The following UBR4 variants were observed in gnomAD, a reference collection of about 807,000 sequenced individuals.
UBR4 encodes ubiquitin protein ligase E3 component n-recognin 4, also known as E3 ubiquitin-protein ligase UBR4.
UBR4 carries 124 observed loss-of-function variants against 575.6 expected under a neutral mutation model. The ratio of observed to expected loss-of-function variants is 0.22; its 90% CI spans 0.19 to 0.25. The LOEUF is 0.25. Ranked by LOEUF, UBR4 falls within the 10% of genes least tolerant of loss-of-function variation. The pLI, the probability that UBR4 is intolerant of heterozygous loss-of-function variation, is 1.00. For synonymous variants in UBR4, 2,455 were observed against 2,473.7 expected (o/e 0.99, Z 0.22); for missense variants, 4,818 against 6,478.8 (o/e 0.74, Z 8.80).
chr1:19,153,872 A>G lies in UBR4; in HGVS notation c.6526T>C (p.Leu2176=), dbSNP rs2086070005. The change falls in exon 45 of 106, where the codon TTG becomes CTG. Residue 2176 remains leucine, a synonymous_variant. Transcript: ENST00000375254. The surrounding 1 kb of genome is among the most constrained non-coding windows in gnomAD (Gnocchi z 4.1). ...QWSEVMNHPG[L]VCCVQQTTGV... Reference sequence around the variant, plus strand: ...GTAGTTTGCTGGACACAGCACACCAAGCCAGGGTGGTTCATCACCTCAGAC... The same window carrying G: ...GTAGTTTGCTGGACACAGCACACCAGGCCAGGGTGGTTCATCACCTCAGAC... 6.2e-7 allele frequency: 1 copy of G among 1,614,074 alleles called. No individual in the cohort carries two copies.
Position 19,104,269 on chromosome 1 carries a change from G to A in UBR4, c.12728-12C>T. The A allele has an allele frequency of 6.2e-7, 1 of 1,613,246 alleles. No homozygotes were observed. The highest frequency in any genetic ancestry group is 1.1e-5 in the South Asian group (1 of 91,012). The stretch of plus-strand genomic sequence containing the variant: ...GGAGGAGAGAAGGCCTGTGGAGACA[G>A]GAAAATGTTGCTGTGAGAGCTCTGG... On this transcript the variant is annotated splice_polypyrimidine_tract_variant and intron_variant, in intron 86 of 105. Transcript: ENST00000375254.
intron 60 of UBR4, among the ~76,000 whole-genome samples, chr1:19,134,271 T>A (rs1458508899): frequency 7.2e-6 from 1 of 138,554 alleles, no homozygotes; most frequent in African/African-American, 2.7e-5. Context: ...AATAAATAAA[T>A]AAAAATAAAT....
In UBR4 at chr1:19,115,570, G is replaced by A. The variant is rs1240487123; in HGVS notation, c.10891C>T (p.Leu3631=). The stretch of plus-strand genomic sequence containing the variant: ...TTGGAGGCCACAATGGGCAACGGCA[G>A]GTCAATCTTCACCTCTGTCTGTCCA... ...TPGQTEVKID[L]PLPIVASNLM... is the part of the protein sequence containing the mutation. The change falls in exon 74 of 106, where the codon CTG becomes TTG. Residue 3631 remains leucine (L), a synonymous_variant. Transcript: ENST00000375254. 2 of 1,614,188 alleles carry A rather than the reference G, an allele frequency of 1.2e-6. No individual in the cohort carries two copies. The highest frequency in any genetic ancestry group is 1.1e-5 in the South Asian group (1 of 91,076).
chr1:19,086,905 C>A, intron 99 of UBR4, 84 bp from the exon 100 acceptor site: 1 of 1,553,252 alleles, frequency 6.4e-7, no homozygotes, highest in East Asian at 2.3e-5. Flanking sequence ...AACTGCCGCC[C>A]TTCTTGGGCA....
At chr1:19,119,792 C>A in intron 69 of UBR4, 91 bp from the exon 70 acceptor site, 1 of 1,488,690 alleles carries the variant, frequency 6.7e-7, no homozygotes, top group Non-Finnish European at 9.1e-7. Context: ...TCAATTTCCC[C>A]ACAATTATGG....
chr1:19,087,733 A>C, intron 99 of UBR4, 83 bp downstream of exon 99: 1 of 1,125,598 alleles, frequency 8.9e-7, no homozygotes, highest in Non-Finnish European at 1.3e-6. Context: ...CTAAGAACAA[A>C]ATGGCCTGGA....
chr1:19,184,970 T>C, intron 15 of UBR4, 129 bp downstream of exon 15: 1 of 1,144,456 alleles, frequency 8.7e-7, no homozygotes, highest in Admixed American at 2.1e-5. Context: ...GACATATAAG[T>C]CCTAAGCAAA....
chr1:19,106,124 C>T (rs192378182), intron 83 of UBR4, among the ~76,000 whole-genome samples: 2 of 152,314 alleles, frequency 1.3e-5, no homozygotes, highest in South Asian at 2.1e-4. Flanking sequence ...TCTTCCTTAG[C>T]AAAGATGCTG....
At chr1:19,208,572 A>C (rs2093137654) in intron 1 of UBR4, among the ~76,000 whole-genome samples, 1 of 151,958 alleles carries the variant, frequency 6.6e-6, no homozygotes, top group Non-Finnish European at 1.5e-5. Flanking sequence ...AGATCTTATT[A>C]ATGTCTACAA....
At chr1:19,086,299 G>T in intron 100 of UBR4, 29 bp from the exon 101 acceptor site, 2 of 1,442,892 alleles carry the variant, frequency 1.4e-6, no homozygotes, top group South Asian at 2.3e-5. Context: ...AGGGACAAGC[G>T]ACTGCTGGCA....
chr1:19,187,094 AT>A (rs1571622071), intron 13 of UBR4, 69 bp downstream of exon 13: 3 of 884,622 alleles, frequency 3.4e-6, no homozygotes, highest in South Asian at 4.1e-5. Flanking sequence ...ATATATATAT[AT>A]ACATATATAT....
rs1368750305 is a variant in UBR4 at position 19,097,179 on chromosome 1, G to A, written c.13390+14C>T. ...TCCCAAGCCTCAGATCCAATGTGCA[G>A]TGCCATGATCTACCTGTAGTAGAGT... is the stretch of plus-strand genomic sequence containing the variant. On this transcript the variant is annotated intron_variant, in intron 91 of 105. Coordinates refer to ENST00000375254, the MANE Select transcript of UBR4 (RefSeq NM_020765.3). The A allele has an allele frequency of 1.2e-6, 2 of 1,606,306 alleles. No homozygotes were observed. Among genetic ancestry groups the A allele is most frequent in the Admixed American group, 1.7e-5 (1 of 57,998 alleles).
intron 48 of UBR4, chr1:19,151,022 T>C (rs2085613968): frequency 1.7e-6 from 1 of 572,914 alleles, no homozygotes. Flanking sequence ...CTCAGAAGAG[T>C]CCCTAACCAT....
intron 11 of UBR4, among the ~76,000 whole-genome samples, chr1:19,190,443 T>C (rs2091981223): frequency 6.6e-6 from 1 of 151,828 alleles, no homozygotes; most frequent in African/African-American, 2.4e-5. Context: ...GAGGGTAATT[T>C]GTTAATGCAG....
intron 104 of UBR4, 53 bp downstream of exon 104, chr1:19,077,923 C>T: frequency 6.2e-7 from 1 of 1,612,014 alleles, no homozygotes; most frequent in Non-Finnish European, 8.5e-7. Flanking sequence ...GACAGGAGTG[C>T]AGACATTTTA....
chr1:19,078,207 A>G, intron 103 of UBR4, 141 bp from the exon 104 acceptor site: 3 of 809,588 alleles, frequency 3.7e-6, no homozygotes, highest in Non-Finnish European at 5.8e-6. Context: ...TCTGCTTGGA[A>G]AAAAGCAGCT....
Position 19,186,502 on chromosome 1 carries a change from T to C in UBR4, c.1750+38A>G, listed in dbSNP as rs764284920. 3.0e-5 allele frequency: 47 copies of C among 1,588,162 alleles called. No individual in the cohort carries two copies. The South Asian group carries it at 4.9e-4, about 16-fold the overall frequency. On this transcript the variant is annotated intron_variant, in intron 14 of 105. Coordinates refer to ENST00000375254, the MANE Select transcript of UBR4 (RefSeq NM_020765.3). The stretch of plus-strand genomic sequence containing the variant: ...CTGAGAACACTCCTGTTGCACTCTA[T>C]AGCTTATCTCTGGGAGAGAGAAAAG...
Position 19,192,168 on chromosome 1 carries a change from A to G in UBR4, c.1394+20T>C, listed in dbSNP as rs201235179. On this transcript the variant is annotated intron_variant, in intron 11 of 105. Coordinates refer to ENST00000375254, the MANE Select transcript of UBR4 (RefSeq NM_020765.3). ...AGCGAAATAAAACAAAATATAAGTTATAATCAAGTAGACACATACCCTTTT... is the reference window on the plus strand; with the variant it reads ...AGCGAAATAAAACAAAATATAAGTTGTAATCAAGTAGACACATACCCTTTT... 8.7e-6 allele frequency: 14 copies of G among 1,600,368 alleles called. No homozygotes were observed. In the African/African-American group the frequency reaches 1.6e-4, roughly 19 times the overall value.
chr1:19,154,870 A>G lies in UBR4; in HGVS notation c.6458+48T>C, dbSNP rs183809997. 1,261 of 1,609,898 alleles carry G rather than the reference A, an allele frequency of 7.8e-4. 3 individuals carry two copies. Among genetic ancestry groups the G allele is most frequent in the Non-Finnish European group, 8.7e-4 (1,019 of 1,176,418 alleles). ...CAGATAGTGGGAGTGGAGATCCCAC[A>G]TTGAATGTGGACATTGCGGAAGTTG... On this transcript the variant is annotated intron_variant, in intron 44 of 105. Coordinates refer to ENST00000375254, the MANE Select transcript of UBR4 (RefSeq NM_020765.3).
Sources: gnomAD v4.1 joint callset for allele counts (sites outside exome capture counted in the v4.1 genomes callset) on GRCh38, gnomAD v4.1.1 for gene constraint, Gnocchi (gnomAD v3.1) non-coding constraint, MANE v1.5 for transcripts, NCBI Gene and HGNC (gene_info 2026-07-23, HGNC 2026-07-21) for gene names.